The following THEMIS variants were observed in gnomAD, a reference collection of about 807,000 sequenced individuals.
The protein encoded by THEMIS is thymocyte selection associated.
Under a neutral mutation model 52.6 loss-of-function variants are expected in THEMIS, and 37 were observed. The observed-to-expected ratio is 0.70, with a 90% CI of 0.54 to 0.93. THEMIS has a LOEUF of 0.93. Ranked by LOEUF, THEMIS falls within the 40% of genes least tolerant of loss-of-function variation. THEMIS has a pLI of 0.00. For synonymous variants in THEMIS, 292 were observed against 272.7 expected (o/e 1.07, Z -0.70); for missense variants, 808 against 763.1 (o/e 1.06, Z -0.69).
At chr6:127,847,169 CCAA>C (rs1176456848) in intron 2 of THEMIS, among the ~76,000 whole-genome samples, 3 of 151,916 alleles carry the variant, frequency 2.0e-5, no homozygotes, top group Admixed American at 1.3e-4. Flanking sequence ...AAACCCACAG[CCAA>C]CATCATACTG....
At chr6:127,730,336 G>GAA (rs1562219946) in intron 4 of THEMIS, among the ~76,000 whole-genome samples, 1 of 118,700 alleles carries the variant, frequency 8.4e-6, no homozygotes, top group Non-Finnish European at 1.8e-5. Context: ...GAAAAGAAAA[G>GAA]AAAAGAAGAG....
chr6:127,882,748 T>G (rs1780523626), intron 1 of THEMIS, among the ~76,000 whole-genome samples: 2 of 151,944 alleles, frequency 1.3e-5, no homozygotes, highest in Admixed American at 1.3e-4. Flanking sequence ...AAAGCTTTTG[T>G]TTTGTCTAAG....
chr6:127,879,137 GA>G (rs994534858), intron 1 of THEMIS, among the ~76,000 whole-genome samples: 4 of 152,142 alleles, frequency 2.6e-5, no homozygotes, highest in Admixed American at 6.5e-5. Flanking sequence ...ATGCACAGAG[GA>G]AAATGTTCTC....
chr6:127,898,990 A>T (rs1291827419), intron 1 of THEMIS, among the ~76,000 whole-genome samples: 1 of 151,758 alleles, frequency 6.6e-6, no homozygotes, highest in Non-Finnish European at 1.5e-5. Context: ...GGGGATAGAG[A>T]GGGGTTGGTT....
At chr6:127,735,505 A>T (rs1256882927) in intron 4 of THEMIS, among the ~76,000 whole-genome samples, 1 of 152,154 alleles carries the variant, frequency 6.6e-6, no homozygotes, top group Non-Finnish European at 1.5e-5. Flanking sequence ...TTGATTGCAT[A>T]TTGGGGTTAT....
At chr6:127,755,955 A>G (rs1413064628) in intron 4 of THEMIS, among the ~76,000 whole-genome samples, 1 of 152,030 alleles carries the variant, frequency 6.6e-6, no homozygotes, top group East Asian at 1.9e-4. Context: ...TGAACCCAGG[A>G]GGCAGAAATT....
chr6:127,876,457 T>C (rs1780317030), intron 1 of THEMIS, among the ~76,000 whole-genome samples: 1 of 152,212 alleles, frequency 6.6e-6, no homozygotes, highest in South Asian at 2.1e-4. Context: ...GATGGTCCTG[T>C]CTAATTCCTT....
chr6:127,762,798 C>T (rs937349977), intron 4 of THEMIS, among the ~76,000 whole-genome samples: 1 of 152,052 alleles, frequency 6.6e-6, no homozygotes. Flanking sequence ...GCTTTAATTT[C>T]TCATTTCTAT....
At chr6:127,811,285 G>A (rs897957387) in intron 4 of THEMIS, among the ~76,000 whole-genome samples, 5 of 152,154 alleles carry the variant, frequency 3.3e-5, no homozygotes, top group African/African-American at 1.2e-4. Context: ...GGTCCCACTA[G>A]CTAAAACCAG....
chr6:127,740,857 A>G (rs1046657165), intron 4 of THEMIS, among the ~76,000 whole-genome samples: 1 of 152,286 alleles, frequency 6.6e-6, no homozygotes, highest in South Asian at 2.1e-4. Context: ...TTTGTGACAT[A>G]TATTTTTTAT....
At chr6:127,710,589 A>C (rs573022511) in intron 5 of THEMIS, among the ~76,000 whole-genome samples, 5 of 152,144 alleles carry the variant, frequency 3.3e-5, no homozygotes, top group South Asian at 4.1e-4. Flanking sequence ...TGTACTATCT[A>C]AAGCTCCTAG....
At chr6:127,724,724 A>G (rs187001399) in intron 4 of THEMIS, among the ~76,000 whole-genome samples, 1 of 152,142 alleles carries the variant, frequency 6.6e-6, no homozygotes, top group East Asian at 1.9e-4. Context: ...TGTATTTTGC[A>G]TGTTGTTTTT....
chr6:127,782,028 G>A (rs1399974052), intron 4 of THEMIS, among the ~76,000 whole-genome samples: 1 of 152,152 alleles, frequency 6.6e-6, no homozygotes, highest in Non-Finnish European at 1.5e-5. Flanking sequence ...TCTGGCTACA[G>A]CAGCTTTGCC....
At chr6:127,866,143 T>G (rs1779964932) in intron 1 of THEMIS, among the ~76,000 whole-genome samples, 2 of 152,088 alleles carry the variant, frequency 1.3e-5, no homozygotes. Context: ...ATTTTCTTCC[T>G]TATATCTTTT....
chr6:127,742,333 CA>C (rs1020748425), intron 4 of THEMIS, among the ~76,000 whole-genome samples: 9 of 135,026 alleles, frequency 6.7e-5, no homozygotes, highest in Non-Finnish European at 9.7e-5. Flanking sequence ...AAAAAACAAA[CA>C]AAAAAACAAA....
At chr6:127,881,639 G>A (rs927978167) in intron 1 of THEMIS, among the ~76,000 whole-genome samples, 1 of 151,802 alleles carries the variant, frequency 6.6e-6, no homozygotes, top group African/African-American at 2.4e-5. Flanking sequence ...AACACAAAAA[G>A]TTTTCTGGCA....
chr6:127,712,877 C>T (rs529421888), intron 5 of THEMIS, among the ~76,000 whole-genome samples: 17 of 151,876 alleles, frequency 1.1e-4, no homozygotes, highest in South Asian at 8.3e-4. Flanking sequence ...ATTTCAATTT[C>T]GTTATATTTT....
At chr6:127,866,414 T>C in intron 1 of THEMIS, among the ~76,000 whole-genome samples, 1 of 152,158 alleles carries the variant, frequency 6.6e-6, no homozygotes, top group East Asian at 1.9e-4. Flanking sequence ...TCAAATTTTC[T>C]CTTTGAATGC....
intron 1 of THEMIS, among the ~76,000 whole-genome samples, chr6:127,858,561 C>T (rs749954595): frequency 1.4e-4 from 21 of 151,788 alleles, no homozygotes; most frequent in Non-Finnish European, 2.8e-4. Context: ...ATATTTTTTC[C>T]TTCTTGATAA....
Sources: allele counts gnomAD v4.1 joint callset (sites outside exome capture counted in the v4.1 genomes callset), GRCh38; gene constraint gnomAD v4.1.1; transcripts MANE v1.5; gene names NCBI Gene and HGNC (gene_info 2026-07-23, HGNC 2026-07-21).